The following CLVS1 variants were observed in gnomAD, a reference collection of about 807,000 sequenced individuals.
The protein encoded by CLVS1 is clavesin 1, also known as clavesin-1.
A neutral mutation model predicts 33.1 loss-of-function variants in CLVS1; 10 were observed. The observed-to-expected ratio is 0.30, with a 90% CI of 0.19 to 0.51. The LOEUF (loss-of-function observed/expected upper bound fraction) is 0.51. CLVS1 is among the 20% of genes least tolerant of loss of function. CLVS1 has a pLI of 0.97. For synonymous variants in CLVS1, 163 were observed against 166.1 expected (o/e 0.98, Z 0.14); for missense variants, 343 against 433.4 (o/e 0.79, Z 1.85).
intron 2 of CLVS1, among the ~76,000 whole-genome samples, chr8:61,321,981 T>C (rs945807167): frequency 7.9e-5 from 12 of 152,160 alleles, no homozygotes; most frequent in African/African-American, 2.7e-4. Context: ...TTCTAAAACA[T>C]TGTATATTTA....
chr8:61,439,638 A>G (rs1816468584), intron 3 of CLVS1, among the ~76,000 whole-genome samples: 1 of 152,250 alleles, frequency 6.6e-6, no homozygotes, highest in African/African-American at 2.4e-5. Flanking sequence ...GTTTCTTCAT[A>G]CTAAAGGATT....
intron 2 of CLVS1, among the ~76,000 whole-genome samples, chr8:61,221,710 T>C (rs559864217): frequency 3.3e-5 from 5 of 152,258 alleles, no homozygotes; most frequent in South Asian, 2.1e-4. Context: ...AAATGAGTGA[T>C]GGAGGAGTCC....
At chr8:61,216,317 C>T (rs1195626764) in intron 2 of CLVS1, among the ~76,000 whole-genome samples, 1 of 152,144 alleles carries the variant, frequency 6.6e-6, no homozygotes, top group Admixed American at 6.5e-5. Flanking sequence ...TTGGAAGATC[C>T]CCAAAGTCTT....
intron 3 of CLVS1, among the ~76,000 whole-genome samples, chr8:61,400,295 A>G (rs1387648779): frequency 6.6e-6 from 1 of 152,064 alleles, no homozygotes; most frequent in Non-Finnish European, 1.5e-5. Context: ...TTTTGTGGCA[A>G]TTGTGAATTG....
chr8:61,157,540 C>T (rs62524553), intron 2 of CLVS1, among the ~76,000 whole-genome samples: 26,786 of 151,840 alleles, frequency 0.18, 2,491 homozygotes, highest in Admixed American at 0.26. Flanking sequence ...TTAAAAAGAG[C>T]GAACATTAAT....
At chr8:61,056,912 A>G (rs1389898438), upstream of CLVS1, among the ~76,000 whole-genome samples, 2 of 152,182 alleles carry the variant, frequency 1.3e-5, no homozygotes, top group Admixed American at 6.5e-5. Context: ...GCTCCGCTCA[A>G]GGAAAGGTAA....
In CLVS1 at chr8:61,068,239, A is replaced by ATG. The variant is rs1554531466; in HGVS notation, c.-243+11010_-243+11011insGT. Among the ~76,000 whole-genome samples, 4 of 146,802 alleles carry ATG rather than the reference A, an allele frequency of 2.7e-5. No homozygotes were observed. The South Asian group carries it at 8.4e-4, about 31-fold the overall frequency. On this transcript the variant is annotated intron_variant, in intron 1 of 2. Coordinates refer to the CLVS1 transcript ENST00000522621. The stretch of plus-strand genomic sequence containing the variant: ...TATATGTATGTATGTGTATATATAT[A>ATG]TATATATATGTATATATATACATAC...
At chr8:61,405,576 C>A (rs894773513) in intron 3 of CLVS1, among the ~76,000 whole-genome samples, 4 of 152,064 alleles carry the variant, frequency 2.6e-5, no homozygotes, top group African/African-American at 9.7e-5. Context: ...AAGTTTGAGA[C>A]CTGCCTAAGT....
intron 1 of CLVS1, among the ~76,000 whole-genome samples, chr8:61,093,907 C>T (rs1805300166): frequency 6.6e-6 from 1 of 152,170 alleles, no homozygotes; most frequent in Non-Finnish European, 1.5e-5. Flanking sequence ...GACAGACAGG[C>T]CAGTCTTTGT....
At chr8:61,044,941 T>G in the CLVS1 span, among the ~76,000 whole-genome samples, 1 of 152,156 alleles carries the variant, frequency 6.6e-6, no homozygotes, top group Non-Finnish European at 1.5e-5. Context: ...TGCATGTAAA[T>G]GCACAACAAG....
At chr8:60,974,703 C>T in the CLVS1 span, among the ~76,000 whole-genome samples, 1,973 of 150,762 alleles carry the variant, frequency 0.013, 33 homozygotes, top group South Asian at 0.035. Flanking sequence ...GGCATGAACC[C>T]GGGAGGCGGA....
chr8:61,206,059 AG>A (rs1386655060), intron 2 of CLVS1, among the ~76,000 whole-genome samples: 2 of 152,246 alleles, frequency 1.3e-5, no homozygotes, highest in Non-Finnish European at 2.9e-5. Context: ...GCGTATAAGT[AG>A]CAGAATTAAT....
At chr8:61,476,602 T>C (rs1184075043) in intron 5 of CLVS1, among the ~76,000 whole-genome samples, 3 of 152,224 alleles carry the variant, frequency 2.0e-5, no homozygotes, top group Non-Finnish European at 4.4e-5. Context: ...TCTGTTTGTC[T>C]ATTATTGGTA....
chr8:61,117,923 A>G (rs1805765114), intron 1 of CLVS1, among the ~76,000 whole-genome samples: 1 of 152,020 alleles, frequency 6.6e-6, no homozygotes, highest in South Asian at 2.1e-4. Context: ...TTTTCTATTG[A>G]TTGGAATAGT....
At chr8:61,453,639 C>G (rs1585996265) in intron 3 of CLVS1, among the ~76,000 whole-genome samples, 3 of 152,200 alleles carry the variant, frequency 2.0e-5, no homozygotes, top group East Asian at 3.9e-4. Flanking sequence ...CTCCTAAGAG[C>G]CTTTGAAATC....
the CLVS1 span, among the ~76,000 whole-genome samples, chr8:61,006,613 A>G: frequency 2.0e-5 from 3 of 152,234 alleles, no homozygotes; most frequent in Admixed American, 2.0e-4. Context: ...AGAAATGCTA[A>G]CGTGCAATGT....
At chr8:61,224,642 C>A (rs1028845251) in intron 2 of CLVS1, among the ~76,000 whole-genome samples, 1 of 152,184 alleles carries the variant, frequency 6.6e-6, no homozygotes, top group Non-Finnish European at 1.5e-5. Context: ...GGGGGTCTCA[C>A]CCCGTTGGGT....
At chr8:61,435,934 T>A (rs1816315524) in intron 3 of CLVS1, among the ~76,000 whole-genome samples, 1 of 152,124 alleles carries the variant, frequency 6.6e-6, no homozygotes, top group Admixed American at 6.5e-5. Context: ...GAAAAAAAAA[T>A]TAGAATATAA....
chr8:61,232,957 A>G (rs1334530500), intron 2 of CLVS1, among the ~76,000 whole-genome samples: 1 of 152,258 alleles, frequency 6.6e-6, no homozygotes, highest in Admixed American at 6.5e-5. Context: ...GGAAAATAAT[A>G]CATAAAAACC....
Sources: allele counts gnomAD v4.1 joint callset (sites outside exome capture counted in the v4.1 genomes callset), GRCh38; gene constraint gnomAD v4.1.1; transcripts MANE v1.5; gene names NCBI Gene and HGNC (gene_info 2026-07-23, HGNC 2026-07-21).